The following FGF12 variants were observed in gnomAD, a reference collection of about 807,000 sequenced individuals.
The protein encoded by FGF12 is fibroblast growth factor 12B.
In FGF12, 14 loss-of-function variants were observed where a neutral mutation model predicts 23.6. That is an observed-to-expected ratio of 0.59 (90% CI 0.39 to 0.93). The LOEUF is 0.93. Among genes scored for constraint, FGF12 ranks in the 40% least tolerant of loss-of-function variants. FGF12 has a pLI of 0.00. For synonymous variants in FGF12, 62 were observed against 77.3 expected, an observed-to-expected ratio of 0.80 and a Z score of 1.04; for missense variants, 175 against 217.8, an observed-to-expected ratio of 0.80 and a Z score of 1.24.
intron 2 of FGF12, among the ~76,000 whole-genome samples, chr3:192,692,733 T>G (rs886092077): frequency 6.6e-6 from 1 of 151,580 alleles, no homozygotes; most frequent in Non-Finnish European, 1.5e-5. Flanking sequence ...AAAAATCATT[T>G]TAATAAATGC....
chr3:192,238,540 T>C (rs1719427035), intron 4 of FGF12: 1 of 152,156 alleles, frequency 6.6e-6, no homozygotes, highest in Non-Finnish European at 1.5e-5. Context: ...TTTGTTAACC[T>C]GTACTATAAA....
At chr3:192,428,661 C>T (rs1471326677) in intron 2 of FGF12, among the ~76,000 whole-genome samples, 1 of 152,106 alleles carries the variant, frequency 6.6e-6, no homozygotes, top group Non-Finnish European at 1.5e-5. Context: ...TCCCGTACTT[C>T]CCCAGACTGG....
At chr3:192,163,828 A>T (rs200372370) in intron 5 of FGF12, among the ~76,000 whole-genome samples, 4 of 149,366 alleles carry the variant, frequency 2.7e-5, no homozygotes, top group Admixed American at 6.7e-5. Flanking sequence ...AGTGTGTGTG[A>T]GTGTGTGTGT....
At chr3:192,199,663 T>C (rs1577228422) in intron 4 of FGF12, among the ~76,000 whole-genome samples, 1 of 152,236 alleles carries the variant, frequency 6.6e-6, no homozygotes, top group East Asian at 1.9e-4. Flanking sequence ...ATCTTGTAAG[T>C]GGGTATTAAA....
chr3:192,484,220 T>G (rs9847825), intron 2 of FGF12, among the ~76,000 whole-genome samples: 14,899 of 151,516 alleles, frequency 0.098, 2,354 homozygotes, highest in African/African-American at 0.33. Flanking sequence ...TACTCTCTAT[T>G]ATCACCACTT....
chr3:192,711,296 C>T (rs1343969151), intron 2 of FGF12, among the ~76,000 whole-genome samples: 3 of 125,700 alleles, frequency 2.4e-5, no homozygotes, highest in South Asian at 2.6e-4. Context: ...TGGGGGGCAG[C>T]CCCCACCCAG....
In FGF12 at chr3:192,360,759, T is replaced by A. The variant is rs970460532; in HGVS notation, c.14-221A>T. ...TAGCAGTAAACTAAATGCAAATAAA[T>A]AAAAGCTAATTATGATTGGGAAAAT... On this transcript the variant is annotated intron_variant, in intron 2 of 5. Transcript: ENST00000445105. This position sits in a 1 kb window ranked among gnomAD's most constrained non-coding sequence, Gnocchi z 4.3. 1.8e-6 allele frequency: 1 copy of A among 542,630 alleles called. No homozygotes were observed. The highest frequency in any genetic ancestry group is 3.3e-6 in the Non-Finnish European group (1 of 302,450). 33.6% of individuals were successfully genotyped at this position (542,630 alleles called of 1,614,324 possible). A position where few individuals can be genotyped will look rare whatever the true frequency, so the allele number is the denominator to read the frequency against.
chr3:192,378,030 CTTTCTTTCTTTCTTTCTTTCTT>C lies in FGF12; in HGVS notation c.14-17514_14-17493del, dbSNP rs1193345805. On this transcript the variant is annotated intron_variant, in intron 2 of 5. Coordinates refer to ENST00000445105, the MANE Select transcript of FGF12 (RefSeq NM_004113.6). ...TCCCTTTCTTCTGACTCTTTCTTTT[CTTTCTTTCTTTCTTTCTTTCTT>C]TCTTTCTTTCTTTCTTTCTTTCTTT... Among the ~76,000 whole-genome samples, 24 of 59,536 alleles carry C rather than the reference CTTTCTTTCTTTCTTTCTTTCTT, an allele frequency of 4.0e-4. 4 individuals carry two copies. Among genetic ancestry groups the C allele is most frequent in the Non-Finnish European group, 2.6e-4 (9 of 34,188 alleles). 39.1% of individuals were successfully genotyped at this position (59,536 alleles called of 152,430 possible).
intron 4 of FGF12, among the ~76,000 whole-genome samples, chr3:192,230,779 T>C (rs559874739): frequency 1.3e-5 from 2 of 152,250 alleles, no homozygotes; most frequent in African/African-American, 2.4e-5. Context: ...ATAATTTTAA[T>C]AGGATTAGAG....
At chr3:192,538,254 C>G (rs1725281038) in intron 2 of FGF12, among the ~76,000 whole-genome samples, 1 of 140,646 alleles carries the variant, frequency 7.1e-6, no homozygotes. Flanking sequence ...GGCCTTTAAT[C>G]CGTTTTTTTT....
intron 2 of FGF12, among the ~76,000 whole-genome samples, chr3:192,512,837 T>TAA (rs1553823899): frequency 0.42 from 30,900 of 72,814 alleles, 7,974 homozygotes; most frequent in East Asian, 0.69. Context: ...CTCAAATAAA[T>TAA]ATATATATAT....
intron 2 of FGF12, among the ~76,000 whole-genome samples, chr3:192,418,263 C>T (rs1721414292): frequency 6.6e-6 from 1 of 152,094 alleles, no homozygotes; most frequent in African/African-American, 2.4e-5. Flanking sequence ...GAGCTACATA[C>T]TACGCAGCAC....
intron 2 of FGF12, among the ~76,000 whole-genome samples, chr3:192,627,696 T>C (rs761076155): frequency 6.6e-6 from 1 of 152,180 alleles, no homozygotes; most frequent in Non-Finnish European, 1.5e-5. Flanking sequence ...CAGATTCACA[T>C]GCAACTGTAA....
chr3:192,395,499 C>T (rs1455098263), intron 2 of FGF12, among the ~76,000 whole-genome samples: 1 of 152,182 alleles, frequency 6.6e-6, no homozygotes, highest in Non-Finnish European at 1.5e-5. Flanking sequence ...GAAATTCCCT[C>T]AGAGCCTGAC....
chr3:192,404,680 A>C (rs772960007), intron 2 of FGF12, among the ~76,000 whole-genome samples: 1 of 152,204 alleles, frequency 6.6e-6, no homozygotes, highest in Non-Finnish European at 1.5e-5. Context: ...AATGTTCTAA[A>C]GGCTTTTTCA....
chr3:192,208,843 C>A (rs1036664564), intron 4 of FGF12, among the ~76,000 whole-genome samples: 1 of 152,178 alleles, frequency 6.6e-6, no homozygotes, highest in Non-Finnish European at 1.5e-5. Context: ...TGAGAGGTAT[C>A]TAACTTAGCT....
At chr3:192,561,528 A>G (rs1013313103) in intron 2 of FGF12, among the ~76,000 whole-genome samples, 2 of 152,118 alleles carry the variant, frequency 1.3e-5, no homozygotes, top group Admixed American at 6.5e-5. Context: ...ACGCCCAGCT[A>G]ATTTTTTATA....
At chr3:192,562,182 A>G (rs1049372953) in intron 2 of FGF12, among the ~76,000 whole-genome samples, 4 of 152,198 alleles carry the variant, frequency 2.6e-5, no homozygotes, top group African/African-American at 9.6e-5. Flanking sequence ...TATGCAATTC[A>G]AGATTAGGCC....
At chr3:192,415,752 A>T (rs1326025467) in intron 2 of FGF12, among the ~76,000 whole-genome samples, 1 of 151,538 alleles carries the variant, frequency 6.6e-6, no homozygotes, top group Non-Finnish European at 1.5e-5. Context: ...ACACACACAC[A>T]CACACACACA....
Sources: allele counts gnomAD v4.1 joint callset (sites outside exome capture counted in the v4.1 genomes callset), GRCh38; gene constraint gnomAD v4.1.1; non-coding constraint Gnocchi (gnomAD v3.1); transcripts MANE v1.5; gene names NCBI Gene and HGNC (gene_info 2026-07-23, HGNC 2026-07-21).